Variants in ARSJ observed in about 807,000 individuals in gnomAD.
The protein encoded by ARSJ is arylsulfatase family member J.
In ARSJ, 26 loss-of-function variants were observed where a neutral mutation model predicts 35.9. The observed-to-expected ratio is 0.72, with a 90% CI of 0.53 to 1.00. ARSJ has a LOEUF of 1.00. Among genes scored for constraint, ARSJ ranks in the 50% least tolerant of loss-of-function variants. The pLI is 0.00. For synonymous variants in ARSJ, 294 were observed against 267.6 expected (o/e 1.10, Z -0.96); for missense variants, 667 against 723.6 (o/e 0.92, Z 0.90).
At chr4:113,909,135 G>T (rs1404353069) in intron 1 of ARSJ, among the ~76,000 whole-genome samples, 2 of 151,774 alleles carry the variant, frequency 1.3e-5, no homozygotes, top group Non-Finnish European at 2.9e-5. Context: ...AAGTACAGAA[G>T]GAGTGGAAAA....
intron 1 of ARSJ, among the ~76,000 whole-genome samples, chr4:113,918,946 C>T (rs28667209): frequency 0.71 from 107,110 of 151,410 alleles, 38,652 homozygotes; most frequent in East Asian, 0.81. Flanking sequence ...GCGCATGTCG[C>T]CATGCCCAGA....
chr4:113,948,554 T>A (rs1034285608), intron 1 of ARSJ, among the ~76,000 whole-genome samples: 1 of 144,620 alleles, frequency 6.9e-6, no homozygotes, highest in African/African-American at 2.6e-5. Context: ...ACGATAATAG[T>A]TGCAAGCGTA....
At chr4:113,971,070 T>C (rs1024058840) in intron 1 of ARSJ, 5 of 151,186 alleles carry the variant, frequency 3.3e-5, no homozygotes, top group African/African-American at 1.2e-4. Context: ...TGGAAAAAAA[T>C]GCCTCAATGA....
At chr4:113,916,528 C>CTT (rs11458953) in intron 1 of ARSJ, among the ~76,000 whole-genome samples, 26 of 151,376 alleles carry the variant, frequency 1.7e-4, no homozygotes, top group Non-Finnish European at 2.9e-4. Context: ...CACGTTCTCT[C>CTT]TTTTTTTTGT....
intron 1 of ARSJ, among the ~76,000 whole-genome samples, chr4:113,908,471 AT>A (rs1050566588): frequency 2.0e-5 from 3 of 152,226 alleles, no homozygotes; most frequent in Admixed American, 6.5e-5. Flanking sequence ...TTAAAAATCC[AT>A]TTTTTACACG....
intron 1 of ARSJ, among the ~76,000 whole-genome samples, chr4:113,934,166 TA>T (rs1724626766): frequency 6.6e-6 from 1 of 151,768 alleles, no homozygotes; most frequent in Admixed American, 6.6e-5. Context: ...AAATATAAAT[TA>T]GTATAGCCAC....
chr4:113,902,894 C>A lies in ARSJ; in HGVS notation c.1180G>T (p.Glu394Ter). ...TCATAGCCATCTAGTTGAATGTCCT[C>A]ATCAATCTGTCCTTCAGCCAGTGAA... is the stretch of plus-strand genomic sequence containing the variant. ...LISLAEGQID[E>*]DIQLDGYDIW... The change falls in exon 2 of 2, where the codon GAG becomes TAG. Residue 394 changes from glutamate to a stop codon, truncating the protein, a stop_gained. Transcript: ENST00000315366. LOFTEE classifies it high-confidence loss of function. 6.2e-7 allele frequency: 1 copy of A among 1,614,222 alleles called. No individual in the cohort carries two copies. Among genetic ancestry groups the A allele is most frequent in the Non-Finnish European group, 8.5e-7 (1 of 1,180,034 alleles).
intron 1 of ARSJ, among the ~76,000 whole-genome samples, chr4:113,957,417 T>C (rs1262170779): frequency 1.3e-5 from 2 of 152,058 alleles, no homozygotes; most frequent in Non-Finnish European, 2.9e-5. Context: ...AAGCAATACA[T>C]TGTATTGGGA....
At chr4:113,948,907 C>T (rs1429483586) in intron 1 of ARSJ, among the ~76,000 whole-genome samples, 1 of 152,106 alleles carries the variant, frequency 6.6e-6, no homozygotes, top group Non-Finnish European at 1.5e-5. Context: ...GTGCTACATC[C>T]TATTCACAAT....
At chr4:113,918,526 A>G (rs866491256) in intron 1 of ARSJ, among the ~76,000 whole-genome samples, 7 of 152,150 alleles carry the variant, frequency 4.6e-5, no homozygotes, top group Middle Eastern at 3.2e-3. Context: ...AAGAATACAA[A>G]CGGATCCTGA....
chr4:113,959,775 T>C (rs918819496), intron 1 of ARSJ, among the ~76,000 whole-genome samples: 2 of 152,078 alleles, frequency 1.3e-5, no homozygotes, highest in African/African-American at 4.8e-5. Flanking sequence ...TGGTTGCATA[T>C]TATCAAATGG....
chr4:113,922,240 G>GAAATTACAA (rs1723729508), intron 1 of ARSJ, among the ~76,000 whole-genome samples: 1 of 152,134 alleles, frequency 6.6e-6, no homozygotes, highest in African/African-American at 2.4e-5. Context: ...TTCGTGGTGT[G>GAAATTACAA]AAATTACAAA....
At chr4:113,974,314 G>A (rs182248473) in intron 1 of ARSJ, among the ~76,000 whole-genome samples, 12 of 151,504 alleles carry the variant, frequency 7.9e-5, no homozygotes, top group South Asian at 6.3e-4. Flanking sequence ...ATGAAAAATC[G>A]CTAAAAAAAA....
intron 1 of ARSJ, among the ~76,000 whole-genome samples, chr4:113,950,918 T>C (rs1236836704): frequency 6.6e-6 from 1 of 152,074 alleles, no homozygotes; most frequent in Non-Finnish European, 1.5e-5. Flanking sequence ...TGTCCTGTTG[T>C]TCTGTTTATG....
intron 1 of ARSJ, among the ~76,000 whole-genome samples, chr4:113,947,904 A>C (rs1229260314): frequency 6.6e-6 from 1 of 152,062 alleles, no homozygotes; most frequent in African/African-American, 2.4e-5. Context: ...ATCAAAATAC[A>C]TTGGCCAGGC....
At chr4:113,906,535 C>A in intron 1 of ARSJ, 1 of 215,470 alleles carries the variant, frequency 4.6e-6, no homozygotes, top group South Asian at 6.3e-5. Flanking sequence ...TTGACAGCAG[C>A]TTATAACAGG....
chr4:113,961,846 G>A (rs1047811667), intron 1 of ARSJ, among the ~76,000 whole-genome samples: 18 of 151,440 alleles, frequency 1.2e-4, no homozygotes, highest in African/African-American at 4.4e-4. Flanking sequence ...ATTAATCCAA[G>A]AGAAAGGGAA....
chr4:113,932,246 T>G (rs1330278984), intron 1 of ARSJ, among the ~76,000 whole-genome samples: 1 of 151,992 alleles, frequency 6.6e-6, no homozygotes, highest in African/African-American at 2.4e-5. Context: ...AAGGCAGTGA[T>G]GGACTGTAAT....
At chr4:113,959,697 T>C (rs1368875187) in intron 1 of ARSJ, among the ~76,000 whole-genome samples, 1 of 152,076 alleles carries the variant, frequency 6.6e-6, no homozygotes, top group Non-Finnish European at 1.5e-5. Context: ...ATTAAACATG[T>C]TTTTTTCTTG....
Sources: allele counts gnomAD v4.1 joint callset (sites outside exome capture counted in the v4.1 genomes callset), GRCh38; gene constraint gnomAD v4.1.1; transcripts MANE v1.5; gene names NCBI Gene and HGNC (gene_info 2026-07-23, HGNC 2026-07-21).